Variants in U2AF2 observed in about 807,000 individuals in gnomAD.
U2AF2 encodes the protein U2 small nuclear RNA auxiliary factor 2, also known as splicing factor U2AF 65 kDa subunit.
A neutral mutation model predicts 52.6 loss-of-function variants in U2AF2; 6 were observed. The ratio of observed to expected loss-of-function variants is 0.11; its 90% CI spans 0.06 to 0.23. The LOEUF (loss-of-function observed/expected upper bound fraction) is 0.23, where lower values mean the gene tolerates loss of function less well. Among genes scored for constraint, U2AF2 ranks in the 10% least tolerant of loss-of-function variants. The pLI, the probability that U2AF2 is intolerant of heterozygous loss-of-function variation, is 1.00. For synonymous variants in U2AF2, 284 were observed against 258.2 expected, an observed-to-expected ratio of 1.10 and a Z score of -0.96; for missense variants, 222 against 677.1, an observed-to-expected ratio of 0.33 and a Z score of 7.46.
At position 55,668,811 on chromosome 19, in the gene U2AF2, G is replaced by A; in HGVS notation, c.945+19G>A. 2 of 1,602,718 alleles carry A rather than the reference G, an allele frequency of 1.2e-6. No individual in the cohort carries two copies. The highest frequency in any genetic ancestry group is 1.1e-5 in the South Asian group (1 of 90,574). On this transcript the variant is annotated intron_variant, in intron 9 of 11. Coordinates refer to ENST00000308924, the MANE Select transcript of U2AF2 (RefSeq NM_007279.3). This position sits in a 1 kb window ranked among gnomAD's most constrained non-coding sequence, Gnocchi z 5.5. ...GGATCAGGTGAGTCCCCGGTCGCTG[G>A]CCGCTGCCGCGTCTGTCCTTCCCTG... is the stretch of plus-strand genomic sequence containing the variant.
At position 55,669,666 on chromosome 19, in the gene U2AF2, G is replaced by A. The variant is rs1392114647; in HGVS notation, c.1267G>A (p.Gly423Ser). The A allele has an allele frequency of 4.3e-6, 7 of 1,610,604 alleles. No homozygotes were observed. Among genetic ancestry groups the A allele is most frequent in the South Asian group, 1.1e-5 (1 of 90,908 alleles). Residue 423 changes from glycine to serine, a missense_variant, in exon 11 of 12, where the codon GGC becomes AGC. This residue lies in a region of U2AF2 where 71 missense variants were observed against 180.6 expected (regional missense o/e 0.39). Coordinates refer to ENST00000308924, the MANE Select transcript of U2AF2 (RefSeq NM_007279.3). Reference protein sequence around the residue: ...KSIEIPRPVDGVEVPGCGKIF... With the variant: ...KSIEIPRPVDSVEVPGCGKIF... ...CATCGAGATCCCCCGGCCTGTGGAC[G>A]GCGTCGAGGTGCCCGGCTGCGGAAA...
rs374546412 is a variant in U2AF2 at position 55,655,074 on chromosome 19, G to C, written c.-31G>C. ...GAGCGGGCGGCAAGGCGAGGCGAAA[G>C]CTGCACAGGGCCCTACGCGGCCGCC... On this transcript the variant is annotated 5_prime_UTR_variant, in exon 1 of 12. Coordinates refer to ENST00000308924, the MANE Select transcript of U2AF2 (RefSeq NM_007279.3). 73 of 1,605,830 alleles carry C rather than the reference G, an allele frequency of 4.5e-5. No individual in the cohort carries two copies. The highest frequency in any genetic ancestry group is 2.4e-4 in the African/African-American group (18 of 73,566).
intron 1 of U2AF2, among the ~76,000 whole-genome samples, chr19:55,657,935 A>G (rs1323517335): frequency 6.6e-6 from 1 of 152,246 alleles, no homozygotes; most frequent in Non-Finnish European, 1.5e-5. Flanking sequence ...AAGAACAAAC[A>G]AAACAATTTA....
chr19:55,664,931 T>C (rs1233685645), intron 7 of U2AF2, among the ~76,000 whole-genome samples: 1 of 152,132 alleles, frequency 6.6e-6, no homozygotes, highest in Non-Finnish European at 1.5e-5. Flanking sequence ...TTGGTCAGGT[T>C]GGTCTCCGAC....
At chr19:55,657,657 C>T (rs1983881454) in intron 1 of U2AF2, among the ~76,000 whole-genome samples, 1 of 152,204 alleles carries the variant, frequency 6.6e-6, no homozygotes, top group Non-Finnish European at 1.5e-5. Flanking sequence ...ATTGTTCCTC[C>T]CAATTTCAGT....
At chr19:55,672,791 G>A (rs939263996) in intron 11 of U2AF2, among the ~76,000 whole-genome samples, 1 of 146,784 alleles carries the variant, frequency 6.8e-6, no homozygotes, top group African/African-American at 2.6e-5. Flanking sequence ...CAGTGTGCCC[G>A]CCACCACACC....
At chr19:55,673,548 T>A (rs78831089) in intron 11 of U2AF2, among the ~76,000 whole-genome samples, 1 of 152,168 alleles carries the variant, frequency 6.6e-6, no homozygotes, top group Non-Finnish European at 1.5e-5. Flanking sequence ...TCACTTATTG[T>A]TGGGAGAACA....
chr19:55,660,923 G>T lies in U2AF2; in HGVS notation c.335-115G>T. The T allele has an allele frequency of 2.0e-6, 3 of 1,473,262 alleles. No individual in the cohort carries two copies. The South Asian group carries it at 4.3e-5, about 21-fold the overall frequency. The allele number at this position is 1,473,262 out of a possible 1,614,324, so 91.3% of individuals were successfully genotyped here. ...GAAAGAGGGTTCTGGAAGGTGCTAAGACCGAGAGCCTGTAGGAGCTTTCTG... is the reference window on the plus strand; with the variant it reads ...GAAAGAGGGTTCTGGAAGGTGCTAATACCGAGAGCCTGTAGGAGCTTTCTG... On this transcript the variant is annotated intron_variant, in intron 4 of 11. Coordinates refer to ENST00000308924, the MANE Select transcript of U2AF2 (RefSeq NM_007279.3).
intron 7 of U2AF2, among the ~76,000 whole-genome samples, chr19:55,666,492 G>A (rs1228552729): frequency 6.6e-6 from 1 of 152,246 alleles, no homozygotes; most frequent in Non-Finnish European, 1.5e-5. Context: ...TGCTCACAGT[G>A]TGTGTCTGGG....
intron 3 of U2AF2, 58 bp downstream of exon 3, chr19:55,660,279 G>A (rs1488393601): frequency 7.0e-6 from 11 of 1,573,652 alleles, no homozygotes; most frequent in East Asian, 4.5e-5. Flanking sequence ...CCTTCCTCAC[G>A]CCCGTGCACC....
In U2AF2 at chr19:55,669,251, C is replaced by G. The variant is rs1984730543; in HGVS notation, c.1044+70C>G. On this transcript the variant is annotated intron_variant, in intron 10 of 11. Transcript: ENST00000308924. ...GGCTGGCTAGTAGGGGACAAGTGTT[C>G]CTGATCTTTCTCCCAGCTTTCATGG... is the stretch of plus-strand genomic sequence containing the variant. The G allele has an allele frequency of 3.2e-6, 5 of 1,577,902 alleles. No homozygotes were observed. The South Asian group carries it at 5.7e-5, about 18-fold the overall frequency.
In U2AF2 at chr19:55,672,522, A is replaced by G. The variant is rs1023883883; in HGVS notation, c.1294-1412A>G. Among the ~76,000 whole-genome samples, 10 of 152,292 alleles carry G rather than the reference A, an allele frequency of 6.6e-5. No homozygotes were observed. The Middle Eastern group carries it at 0.01, about 155-fold the overall frequency. On this transcript the variant is annotated intron_variant, in intron 11 of 11. Transcript: ENST00000308924. The stretch of plus-strand genomic sequence containing the variant: ...GCCTCCACCCACCGGATGCAAGAGC[A>G]CTACTCCCTGCTGAGACACCCAAAA...
intron 11 of U2AF2, among the ~76,000 whole-genome samples, chr19:55,673,571 T>TG (rs1159048924): frequency 6.6e-6 from 1 of 151,960 alleles, no homozygotes; most frequent in Non-Finnish European, 1.5e-5. Flanking sequence ...GCTGTTGGGG[T>TG]GGTTCTGGGA....
rs138881430 is a variant in U2AF2 at position 55,661,114 on chromosome 19, G to A, written c.411G>A (p.Val137=). 31 of 1,612,582 alleles carry A rather than the reference G, an allele frequency of 1.9e-5. No individual in the cohort carries two copies. The highest frequency in any genetic ancestry group is 2.5e-5 in the Non-Finnish European group (30 of 1,179,048). Residue 137 remains valine (V), a synonymous_variant, in exon 5 of 12, where the codon GTG becomes GTA. Coordinates refer to ENST00000308924, the MANE Select transcript of U2AF2 (RefSeq NM_007279.3). Reference sequence around the variant, plus strand: ...GTCTGGCTGTGACCCCAACGCCGGTGCCCGTGGTCGGGAGCCAGATGACCA... The same window carrying A: ...GTCTGGCTGTGACCCCAACGCCGGTACCCGTGGTCGGGAGCCAGATGACCA... ...PDGLAVTPTP[V]PVVGSQMTRQ...
At chr19:55,655,250 G>A in intron 1 of U2AF2, 97 bp downstream of exon 1, 3 of 1,348,500 alleles carry the variant, frequency 2.2e-6, no homozygotes, top group Non-Finnish European at 3.1e-6. Flanking sequence ...CCCACTTCAC[G>A]GCCGCGCGGC....
intron 7 of U2AF2, 138 bp downstream of exon 7, chr19:55,663,882 C>T: frequency 3.1e-6 from 4 of 1,300,352 alleles, no homozygotes; most frequent in Non-Finnish European, 4.2e-6. Flanking sequence ...CCTGCTTCCC[C>T]TAAGTCTCTG....
In U2AF2 at chr19:55,660,380, C is replaced by T. The variant is rs569190866; in HGVS notation, c.231-136C>T. ...CCCCTTTCCCAGGCCCTGCCCCAGA[C>T]CCTCTCCTTCCCTGGAGAGAGTGGA... is the stretch of plus-strand genomic sequence containing the variant. On this transcript the variant is annotated intron_variant, in intron 3 of 11. Coordinates refer to ENST00000308924, the MANE Select transcript of U2AF2 (RefSeq NM_007279.3). The T allele has an allele frequency of 1.0e-5, 11 of 1,075,338 alleles. No homozygotes were observed. In the East Asian group the frequency reaches 2.6e-4, roughly 25 times the overall value. 66.6% of individuals were successfully genotyped at this position (1,075,338 alleles called of 1,614,324 possible).
rs201509109 is a variant in U2AF2, at chr19:55,661,117, C to T, written c.414C>T (p.Pro138=). The T allele has an allele frequency of 2.7e-5, 43 of 1,612,762 alleles. No individual in the cohort carries two copies. Among genetic ancestry groups the T allele is most frequent in the African/African-American group, 2.1e-4 (16 of 74,952 alleles). ...TGGCTGTGACCCCAACGCCGGTGCC[C>T]GTGGTCGGGAGCCAGATGACCAGAC... is the stretch of plus-strand genomic sequence containing the variant. The part of the protein sequence containing the change: ...DGLAVTPTPV[P]VVGSQMTRQA... The change falls in exon 5 of 12, where the codon CCC becomes CCT. Residue 138 remains proline, a synonymous_variant. Transcript: ENST00000308924.
Position 55,674,194 on chromosome 19 carries a change from C to A in U2AF2, c.*126C>A. The A allele has an allele frequency of 1.6e-6, 1 of 621,260 alleles. No homozygotes were observed. Among genetic ancestry groups the A allele is most frequent in the Non-Finnish European group, 2.2e-6 (1 of 462,676 alleles). 38.5% of individuals were successfully genotyped at this position (621,260 alleles called of 1,614,324 possible). ...GCCGCAGACACACGACAGCCGGCAG[C>A]AACTGGAATGGCAGCAATTAAGGGT... On this transcript the variant is annotated 3_prime_UTR_variant, in exon 12 of 12. Transcript: ENST00000308924.
Sources: gnomAD v4.1 joint callset for allele counts (sites outside exome capture counted in the v4.1 genomes callset) on GRCh38, gnomAD v4.1.1 for gene constraint, gnomAD v4.1.1 regional missense constraint, Gnocchi (gnomAD v3.1) non-coding constraint, MANE v1.5 for transcripts, NCBI Gene and HGNC (gene_info 2026-07-23, HGNC 2026-07-21) for gene names.